Variants in DNER observed in about 807,000 individuals in gnomAD.
The protein encoded by DNER is delta and Notch-like epidermal growth factor-related receptor.
A neutral mutation model predicts 78.2 loss-of-function variants in DNER; 33 were observed. The observed-to-expected ratio is 0.42, with a 90% confidence interval of 0.32 to 0.56. The LOEUF (loss-of-function observed/expected upper bound fraction) is 0.56. Ranked by LOEUF, DNER falls within the 20% of genes least tolerant of loss-of-function variation. The pLI is 0.11. For synonymous variants in DNER, 417 were observed against 384.8 expected (o/e 1.08, Z -0.98); for missense variants, 918 against 975.3 (o/e 0.94, Z 0.78).
chr2:229,444,703 A>G (rs1294922399), intron 8 of DNER, among the ~76,000 whole-genome samples: 2 of 152,146 alleles, frequency 1.3e-5, no homozygotes, highest in Non-Finnish European at 1.5e-5. Flanking sequence ...GGCCTGGACA[A>G]CATGGTGCAA....
chr2:229,712,825 T>A (rs1699930842), intron 1 of DNER, among the ~76,000 whole-genome samples: 1 of 152,200 alleles, frequency 6.6e-6, no homozygotes, highest in Non-Finnish European at 1.5e-5. Context: ...AAGCTTATTG[T>A]AACCAGTAAA....
At chr2:229,458,250 T>C (rs1389401796) in intron 7 of DNER, among the ~76,000 whole-genome samples, 1 of 151,152 alleles carries the variant, frequency 6.6e-6, no homozygotes, top group Non-Finnish European at 1.5e-5. Flanking sequence ...AAGGTAGACT[T>C]CAAGACTAAG....
At chr2:229,541,678 A>G (rs1255911941) in intron 5 of DNER, among the ~76,000 whole-genome samples, 1 of 151,974 alleles carries the variant, frequency 6.6e-6, no homozygotes, top group Admixed American at 6.6e-5. Flanking sequence ...CAAAGAGAAC[A>G]AAAGCCTGAC....
chr2:229,668,481 T>TAAAAG (rs1699138179), intron 1 of DNER, among the ~76,000 whole-genome samples: 1 of 137,094 alleles, frequency 7.3e-6, no homozygotes, highest in Non-Finnish European at 1.5e-5. Context: ...TATATATAGG[T>TAAAAG]AAGTATATAT....
intron 1 of DNER, among the ~76,000 whole-genome samples, chr2:229,680,274 C>T (rs1219626508): frequency 4.6e-5 from 7 of 152,152 alleles, no homozygotes; most frequent in East Asian, 1.9e-4. Context: ...CACTGAGTCA[C>T]GGATGGCTTC....
In DNER at chr2:229,367,258, G is replaced by A. The variant is rs188004526; in HGVS notation, c.1856-139C>T. 66 of 1,245,602 alleles carry A rather than the reference G, an allele frequency of 5.3e-5. No individual in the cohort carries two copies. The East Asian group carries it at 1.7e-3, about 31-fold the overall frequency. 77.2% of individuals were successfully genotyped at this position (1,245,602 alleles called of 1,614,324 possible). The stretch of plus-strand genomic sequence containing the variant: ...AGGCTTATTTTCTACGGATTATCCA[G>A]ACCCAGGGTTAATATCCTTACTACA... On this transcript the variant is annotated intron_variant, in intron 11 of 12. Transcript: ENST00000341772.
chr2:229,619,565 C>T (rs1237708812), intron 1 of DNER, among the ~76,000 whole-genome samples: 1 of 152,100 alleles, frequency 6.6e-6, no homozygotes, highest in Non-Finnish European at 1.5e-5. Context: ...CAGTTACTGC[C>T]TGATTCTAAA....
chr2:229,375,389 C>G (rs921968078), intron 11 of DNER, among the ~76,000 whole-genome samples: 1 of 152,194 alleles, frequency 6.6e-6, no homozygotes, highest in African/African-American at 2.4e-5. Context: ...TTCAAAACAG[C>G]TCAACTCACA....
chr2:229,663,186 T>C (rs1699036949), intron 1 of DNER, among the ~76,000 whole-genome samples: 1 of 152,324 alleles, frequency 6.6e-6, no homozygotes, highest in Non-Finnish European at 1.5e-5. Context: ...ATTTTAATTA[T>C]TAGCTCTTCT....
chr2:229,447,277 T>G, intron 8 of DNER, 39 bp downstream of exon 8: 2 of 1,521,780 alleles, frequency 1.3e-6, no homozygotes, highest in Non-Finnish European at 1.8e-6. Flanking sequence ...GGTTTGAGAT[T>G]GAGAAAAGGA....
At chr2:229,618,372 T>A (rs1424213896) in intron 1 of DNER, among the ~76,000 whole-genome samples, 1 of 152,212 alleles carries the variant, frequency 6.6e-6, no homozygotes, top group African/African-American at 2.4e-5. Flanking sequence ...TTCCTCCCTG[T>A]GAAAAATATA....
chr2:229,397,512 C>T (rs111730821), intron 10 of DNER, among the ~76,000 whole-genome samples: 2,084 of 145,616 alleles, frequency 0.014, 47 homozygotes, highest in African/African-American at 0.05. Flanking sequence ...CACCAAAGGC[C>T]GAGTGGAGAG....
At chr2:229,437,376 C>T (rs544706522) in intron 8 of DNER, among the ~76,000 whole-genome samples, 32 of 152,226 alleles carry the variant, frequency 2.1e-4, no homozygotes, top group Non-Finnish European at 4.0e-4. Flanking sequence ...GCAACTTTCA[C>T]AGTGTGCTTT....
At chr2:229,597,409 T>C (rs2154214811) in intron 1 of DNER, among the ~76,000 whole-genome samples, 1 of 152,334 alleles carries the variant, frequency 6.6e-6, no homozygotes, top group South Asian at 2.1e-4. Context: ...CAGTCAAGAT[T>C]TTTTTAAAGT....
rs565086548 is a variant in DNER at position 229,693,722 on chromosome 2, G to C, written c.276+20426C>G. Among the ~76,000 whole-genome samples the C allele has an allele frequency of 9.2e-5, 14 of 152,146 alleles. No individual in the cohort carries two copies. The South Asian group carries it at 1.9e-3, about 20-fold the overall frequency. On this transcript the variant is annotated intron_variant, in intron 1 of 12. Coordinates refer to ENST00000341772, the MANE Select transcript of DNER (RefSeq NM_139072.4). ...TTTGAACCTGAGAGAGATGATTTAG[G>C]GTATCTGGAGAAAGAAATTTCTAAG...
chr2:229,459,924 G>A (rs948995625), intron 7 of DNER, among the ~76,000 whole-genome samples: 7 of 151,834 alleles, frequency 4.6e-5, no homozygotes, highest in Non-Finnish European at 8.8e-5. Flanking sequence ...TTGGGAGGCC[G>A]AAGCGGGTGG....
In DNER at chr2:229,418,184, G is replaced by A. The variant is rs141484245; in HGVS notation, c.1533C>T (p.Ser511=). ...AGGTGGCTGCATTCAGGCATGGAGC[G>A]GAGAGGCACTCATTATATTCCTCCT... ...YCEEEYNECL[S]APCLNAATCR... The change falls in exon 9 of 13, where the codon TCC becomes TCT. Residue 511 remains serine (S), a synonymous_variant. Coordinates refer to ENST00000341772, the MANE Select transcript of DNER (RefSeq NM_139072.4). 93 of 1,614,002 alleles carry A rather than the reference G, an allele frequency of 5.8e-5. 1 individual carries two copies. Among genetic ancestry groups the A allele is most frequent in the South Asian group, 9.9e-5 (9 of 91,086 alleles).
intron 5 of DNER, among the ~76,000 whole-genome samples, chr2:229,530,167 A>G (rs1696277384): frequency 2.0e-5 from 3 of 152,236 alleles, no homozygotes; most frequent in Non-Finnish European, 2.9e-5. Flanking sequence ...ACACATGCAT[A>G]ATTATTTATG....
chr2:229,394,713 A>C (rs559845547), intron 10 of DNER, among the ~76,000 whole-genome samples: 4 of 152,368 alleles, frequency 2.6e-5, no homozygotes, highest in East Asian at 1.9e-4. Flanking sequence ...CACTGCTCTA[A>C]CATGGCCACT....
Sources: gnomAD v4.1 joint callset for allele counts (sites outside exome capture counted in the v4.1 genomes callset) on GRCh38, gnomAD v4.1.1 for gene constraint, MANE v1.5 for transcripts, NCBI Gene and HGNC (gene_info 2026-07-23, HGNC 2026-07-21) for gene names.